PFKM: variants seen among roughly 807,000 people sequenced by gnomAD.
PFKM encodes the protein ATP-dependent 6-phosphofructokinase, muscle type.
In PFKM, 58 loss-of-function variants were observed where a neutral mutation model predicts 95.5. The observed-to-expected ratio is 0.61, with a 90% CI of 0.49 to 0.76. The LOEUF (loss-of-function observed/expected upper bound fraction) is 0.76, where lower values mean the gene tolerates loss of function less well. Among genes scored for constraint, PFKM ranks in the 30% least tolerant of loss-of-function variants. PFKM has a pLI of 0.00. For missense variants in PFKM, 678 were observed against 1,005.4 expected (o/e 0.67, Z 4.40); for synonymous variants, 336 against 357.2 (o/e 0.94, Z 0.67).
chr12:48,114,264 C>T (rs1285260686), intron 3 of PFKM, among the ~76,000 whole-genome samples: 5 of 152,126 alleles, frequency 3.3e-5, no homozygotes, highest in Non-Finnish European at 5.9e-5. Flanking sequence ...AGCTCGATGT[C>T]GGAATTCCTG....
intron 3 of PFKM, among the ~76,000 whole-genome samples, chr12:48,108,712 T>C (rs1946922016): frequency 6.6e-6 from 1 of 152,228 alleles, no homozygotes; most frequent in African/African-American, 2.4e-5. Context: ...CAGAAACACA[T>C]CTATGTATTT....
At chr12:48,122,989 G>A in intron 2 of PFKM, 130 bp downstream of exon 2, 1 of 790,090 alleles carries the variant, frequency 1.3e-6, no homozygotes, top group Non-Finnish European at 2.2e-6. Flanking sequence ...ATTTCTGTGA[G>A]GCCTAAGTCC....
intron 1 of PFKM, among the ~76,000 whole-genome samples, chr12:48,122,028 C>T (rs549495148): frequency 1.3e-5 from 2 of 152,110 alleles, no homozygotes; most frequent in African/African-American, 2.4e-5. Flanking sequence ...TGTGTATATA[C>T]GGCAGTGACT....
rs1490256304 is a variant in PFKM, at chr12:48,141,321, C to A, written c.1352C>A (p.Ala451Asp). The A allele has an allele frequency of 6.2e-7, 1 of 1,614,014 alleles. No homozygotes were observed. The highest frequency in any genetic ancestry group is 8.5e-7 in the Non-Finnish European group (1 of 1,179,990). Residue 451 changes from alanine to aspartate, a missense_variant, in exon 15 of 23, where the codon GCT (alanine) becomes GAT (aspartate). By Grantham distance (126) the Ala-to-Asp change is moderately radical. Coordinates refer to ENST00000359794, the MANE Select transcript of PFKM (RefSeq NM_000289.6). ...EGLAKGQIEE[A>D]GWSYVGGWTG... ...GGCTTATCCCCACAGATAGAGGAAG[C>A]TGGCTGGAGCTATGTTGGGGGCTGG...
chr12:48,127,059 G>T (rs1948928144), intron 2 of PFKM, among the ~76,000 whole-genome samples: 1 of 152,146 alleles, frequency 6.6e-6, no homozygotes, highest in Admixed American at 6.5e-5. Context: ...TGACATCAGT[G>T]CTCACCAATG....
chr12:48,143,870 A>G, intron 19 of PFKM, 56 bp downstream of exon 19: 1 of 1,423,980 alleles, frequency 7.0e-7, no homozygotes, highest in Non-Finnish European at 9.9e-7. Flanking sequence ...TTTGGCTCAA[A>G]CCCATAGAAT....
chr12:48,108,710 C>T (rs757556), intron 3 of PFKM, among the ~76,000 whole-genome samples: 34,584 of 152,120 alleles, frequency 0.23, 4,678 homozygotes, highest in East Asian at 0.59. Context: ...TTCAGAAACA[C>T]ATCTATGTAT....
intron 3 of PFKM, chr12:48,108,273 C>A: frequency 7.6e-7 from 1 of 1,311,638 alleles, no homozygotes; most frequent in Non-Finnish European, 1.0e-6. Context: ...TATTATAAAT[C>A]AGCGTAGACC....
At chr12:48,127,440 T>C (rs993875001) in intron 2 of PFKM, among the ~76,000 whole-genome samples, 2 of 152,334 alleles carry the variant, frequency 1.3e-5, no homozygotes, top group African/African-American at 4.8e-5. Flanking sequence ...CTGCCTCTGC[T>C]GAGTCAGTGG....
intron 4 of PFKM, chr12:48,132,340 C>T: frequency 3.4e-6 from 1 of 289,896 alleles, no homozygotes; most frequent in East Asian, 9.4e-5. Context: ...GATATTGCAG[C>T]TTCTGCTGCT....
At position 48,139,279 on chromosome 12, in the gene PFKM, C is replaced by T. The variant is rs371033104; in HGVS notation, c.1063-6C>T. 2.7e-5 allele frequency: 43 copies of T among 1,612,514 alleles called. No homozygotes were observed. Among genetic ancestry groups the T allele is most frequent in the South Asian group, 4.4e-5 (4 of 91,032 alleles). On this transcript the variant is annotated splice_polypyrimidine_tract_variant and splice_region_variant and intron_variant, in intron 11 of 22. Transcript: ENST00000359794. The stretch of plus-strand genomic sequence containing the variant: ...AGTTGAAACTGTCGCTGTGCTCCCC[C>T]CTCAGACCAAAGATGTGACCAAGGC...
rs374824469 is a variant in PFKM, at chr12:48,140,825, G to T, written c.1295G>T (p.Arg432Leu). ...TVRIGLIQGN[R>L]VLVVHDGFEG... ...AGGATTGGCCTTATCCAGGGCAACC[G>T]AGTGCTCGTTGTCCATGATGGTTTC... The change falls in exon 14 of 23, where the codon CGA becomes CTA. Residue 432 changes from arginine to leucine, a missense_variant. By Grantham distance (102) the Arg-to-Leu change is moderately radical. Coordinates refer to ENST00000359794, the MANE Select transcript of PFKM (RefSeq NM_000289.6). 6.2e-7 allele frequency: 1 copy of T among 1,614,106 alleles called. No homozygotes were observed. Among genetic ancestry groups the T allele is most frequent in the Non-Finnish European group, 8.5e-7 (1 of 1,180,042 alleles).
chr12:48,120,015 T>C (rs1249501472), intron 1 of PFKM: 4 of 152,212 alleles, frequency 2.6e-5, no homozygotes, highest in Non-Finnish European at 5.9e-5. Context: ...TGTGGGATTC[T>C]GCCCCCGTCA....
intron 1 of PFKM, chr12:48,122,492 A>G: frequency 4.1e-6 from 4 of 968,100 alleles, no homozygotes; most frequent in Non-Finnish European, 1.4e-6. Flanking sequence ...ACCTTAGTTT[A>G]TTCCCCAAAT....
At chr12:48,105,453 T>C (rs778032333), upstream of PFKM, 1 of 518,906 alleles carries the variant, frequency 1.9e-6, no homozygotes, top group Non-Finnish European at 3.8e-6. Flanking sequence ...GGGATTTTCA[T>C]AACCTGAGCA....
At chr12:48,120,590 T>C (rs1948154472) in intron 1 of PFKM, among the ~76,000 whole-genome samples, 1 of 152,252 alleles carries the variant, frequency 6.6e-6, no homozygotes, top group South Asian at 2.1e-4. Context: ...TATGAGTCTC[T>C]GTCACAATAT....
intron 3 of PFKM, among the ~76,000 whole-genome samples, chr12:48,113,452 T>C (rs925466211): frequency 1.3e-5 from 2 of 152,062 alleles, no homozygotes; most frequent in Non-Finnish European, 2.9e-5. Context: ...TGGGCCAGAG[T>C]TCCAGGGGAT....
At chr12:48,136,013 C>A (rs900594623) in intron 10 of PFKM, among the ~76,000 whole-genome samples, 2 of 152,182 alleles carry the variant, frequency 1.3e-5, no homozygotes, top group South Asian at 4.2e-4. Context: ...CTCAGCCTCC[C>A]AAGTAGCTGG....
Position 48,141,361 on chromosome 12 carries a change from C to T in PFKM, c.1392C>T (p.Gly464=). 1 of 1,614,092 alleles carries T rather than the reference C, an allele frequency of 6.2e-7. No individual in the cohort carries two copies. The highest frequency in any genetic ancestry group is 8.5e-7 in the Non-Finnish European group (1 of 1,179,958). ...SYVGGWTGQG[G]SKLGTKRTLP... ...TTGGGGGCTGGACTGGCCAAGGTGG[C>T]TCTAAACTTGGGACTAAAAGGTAAG... Residue 464 remains glycine, a synonymous_variant, in exon 15 of 23, where the codon GGC becomes GGT. Transcript: ENST00000359794.
Sources: allele counts gnomAD v4.1 joint callset (sites outside exome capture counted in the v4.1 genomes callset), GRCh38; gene constraint gnomAD v4.1.1; transcripts MANE v1.5; gene names NCBI Gene and HGNC (gene_info 2026-07-23, HGNC 2026-07-21).